Variants in GALNT17 observed in about 807,000 individuals in gnomAD.
GALNT17 encodes the protein UDP-GalNAc:polypeptide N-acetylgalactosaminyltransferase-like 3.
In GALNT17, 29 loss-of-function variants were observed where a neutral mutation model predicts 63.7. The ratio of observed to expected loss-of-function variants is 0.46; its 90% CI spans 0.34 to 0.62. The LOEUF (loss-of-function observed/expected upper bound fraction) is 0.62, where lower values mean the gene tolerates loss of function less well. GALNT17 is among the 20% of genes least tolerant of loss of function. The pLI is 0.01. For synonymous variants in GALNT17, 305 were observed against 318.3 expected (o/e 0.96, Z 0.45); for missense variants, 603 against 799.6 (o/e 0.75, Z 2.97).
chr7:71,176,077 T>A (rs1324644541), intron 1 of GALNT17, among the ~76,000 whole-genome samples: 1 of 151,918 alleles, frequency 6.6e-6, no homozygotes, highest in East Asian at 1.9e-4. Flanking sequence ...TCAGCAAGGA[T>A]CTTATTTGGA....
chr7:71,246,115 GTTTTTTTTTT>G (rs61447370), intron 1 of GALNT17, among the ~76,000 whole-genome samples: 1 of 92,000 alleles, frequency 1.1e-5, no homozygotes, highest in Non-Finnish European at 2.1e-5. Context: ...TTTTTTCGTT[GTTTTTTTTTT>G]TTTTTTTTTT....
At position 71,665,533 on chromosome 7, in the gene GALNT17, T is replaced by C; in HGVS notation, c.1203T>C (p.Val401=). 6.2e-7 allele frequency: 1 copy of C among 1,614,084 alleles called. No homozygotes were observed. The highest frequency in any genetic ancestry group is 8.5e-7 in the Non-Finnish European group (1 of 1,180,012). Residue 401 remains valine (V), a synonymous_variant, in exon 7 of 11, where the codon GTT becomes GTC. Coordinates refer to ENST00000333538, the MANE Select transcript of GALNT17 (RefSeq NM_022479.3). ...GFYTKRNALR[V]AEVWMDDYKS... Reference sequence around the variant, plus strand: ...ACACCAAGAGGAATGCTCTTCGCGTTGCTGAGGTCTGGATGGACGATTACA... The same window carrying C: ...ACACCAAGAGGAATGCTCTTCGCGTCGCTGAGGTCTGGATGGACGATTACA...
intron 1 of GALNT17, among the ~76,000 whole-genome samples, chr7:71,257,239 A>G (rs1049111808): frequency 6.6e-6 from 1 of 152,166 alleles, no homozygotes; most frequent in Non-Finnish European, 1.5e-5. Context: ...CATTTTTCAC[A>G]CGAGTTGTCT....
At chr7:71,247,354 A>T (rs544616492) in intron 1 of GALNT17, among the ~76,000 whole-genome samples, 1 of 152,142 alleles carries the variant, frequency 6.6e-6, no homozygotes, top group Non-Finnish European at 1.5e-5. Flanking sequence ...GATGGCTACA[A>T]TTGTCTCTTG....
intron 1 of GALNT17, among the ~76,000 whole-genome samples, chr7:71,154,904 C>T (rs1427637834): frequency 6.6e-6 from 1 of 151,844 alleles, no homozygotes; most frequent in African/African-American, 2.4e-5. Context: ...TAAGCTCTTT[C>T]TTAAAGTATC....
chr7:71,220,017 A>G (rs1299302791), intron 1 of GALNT17, among the ~76,000 whole-genome samples: 1 of 152,190 alleles, frequency 6.6e-6, no homozygotes, highest in African/African-American at 2.4e-5. Context: ...ATTTGGAGGA[A>G]AGAGACTTCA....
At chr7:71,669,886 G>T (rs1431938174) in intron 7 of GALNT17, 86 bp from the exon 8 acceptor site, 13 of 1,537,156 alleles carry the variant, frequency 8.5e-6, no homozygotes, top group African/African-American at 1.4e-5. Flanking sequence ...CTATGTGAAG[G>T]TTTCCCTGAA....
chr7:71,208,312 A>C (rs1789311976), intron 1 of GALNT17, among the ~76,000 whole-genome samples: 1 of 152,190 alleles, frequency 6.6e-6, no homozygotes, highest in Non-Finnish European at 1.5e-5. Flanking sequence ...GAGATTGATA[A>C]AAGGGAGAAG....
At chr7:71,455,946 G>A (rs954156194) in intron 5 of GALNT17, among the ~76,000 whole-genome samples, 1 of 152,152 alleles carries the variant, frequency 6.6e-6, no homozygotes, top group Non-Finnish European at 1.5e-5. Context: ...CAGAGCTCCT[G>A]TGAAGATTAG....
chr7:71,187,090 C>T (rs2707443), intron 1 of GALNT17, among the ~76,000 whole-genome samples: 18,414 of 151,978 alleles, frequency 0.12, 1,833 homozygotes, highest in African/African-American at 0.27. Context: ...AAAGAGAAGA[C>T]GACTACAACT....
chr7:71,191,783 A>G (rs944167819), intron 1 of GALNT17, among the ~76,000 whole-genome samples: 3 of 152,132 alleles, frequency 2.0e-5, no homozygotes, highest in African/African-American at 7.2e-5. Context: ...TTTCTTTTAT[A>G]TAAGTACCTA....
intron 6 of GALNT17, among the ~76,000 whole-genome samples, chr7:71,655,853 G>A (rs923300256): frequency 2.6e-5 from 4 of 152,198 alleles, no homozygotes; most frequent in Non-Finnish European, 5.9e-5. Context: ...TGGGAAGAGC[G>A]TTTGGGAAGA....
chr7:71,523,373 G>A (rs1338179054), intron 5 of GALNT17, among the ~76,000 whole-genome samples: 1 of 152,222 alleles, frequency 6.6e-6, no homozygotes, highest in African/African-American at 2.4e-5. Flanking sequence ...AGGCTGTGGT[G>A]AGCTGAGACT....
intron 1 of GALNT17, among the ~76,000 whole-genome samples, chr7:71,170,806 A>T (rs1788534305): frequency 6.6e-6 from 1 of 152,184 alleles, no homozygotes; most frequent in African/African-American, 2.4e-5. Flanking sequence ...TCCCAAGGAG[A>T]TACAGATCTG....
intron 5 of GALNT17, among the ~76,000 whole-genome samples, chr7:71,566,270 A>G (rs1212386115): frequency 2.0e-5 from 3 of 152,116 alleles, no homozygotes; most frequent in Non-Finnish European, 4.4e-5. Flanking sequence ...CACACAGGGC[A>G]ATGCCCAAAG....
At chr7:71,145,753 C>T (rs564593518) in intron 1 of GALNT17, among the ~76,000 whole-genome samples, 6 of 152,148 alleles carry the variant, frequency 3.9e-5, no homozygotes, top group Admixed American at 1.3e-4. Context: ...TTGCCCAGGC[C>T]GGAGTGCAGT....
At chr7:71,168,701 G>A (rs1360400815) in intron 1 of GALNT17, among the ~76,000 whole-genome samples, 1 of 76,432 alleles carries the variant, frequency 1.3e-5, no homozygotes, top group East Asian at 3.6e-4. Context: ...ACATAGTTAC[G>A]TGTATGTGTG....
intron 1 of GALNT17, among the ~76,000 whole-genome samples, chr7:71,328,980 G>A (rs2116051079): frequency 6.6e-6 from 1 of 152,278 alleles, no homozygotes; most frequent in African/African-American, 2.4e-5. Flanking sequence ...AGGGGGTTGT[G>A]CTAGGCAAAC....
chr7:71,428,189 A>G (rs1786795076), intron 5 of GALNT17, among the ~76,000 whole-genome samples: 1 of 152,146 alleles, frequency 6.6e-6, no homozygotes, highest in Non-Finnish European at 1.5e-5. Flanking sequence ...TCCACGATCT[A>G]CTTCCAGTTT....
Sources: allele counts gnomAD v4.1 joint callset (sites outside exome capture counted in the v4.1 genomes callset), GRCh38; gene constraint gnomAD v4.1.1; transcripts MANE v1.5; gene names NCBI Gene and HGNC (gene_info 2026-07-23, HGNC 2026-07-21).